The following LRRC4C variants were observed in gnomAD, a reference collection of about 807,000 sequenced individuals.
The protein encoded by LRRC4C is leucine rich repeat containing 4C.
In LRRC4C, 5 loss-of-function variants were observed where a neutral mutation model predicts 33.6. The observed-to-expected ratio is 0.15, with a 90% CI of 0.08 to 0.31. The LOEUF (loss-of-function observed/expected upper bound fraction) is 0.31, where lower values mean the gene tolerates loss of function less well. Ranked by LOEUF, LRRC4C falls within the 10% of genes least tolerant of loss-of-function variation. The pLI, the probability that LRRC4C is intolerant of heterozygous loss-of-function variation, is 1.00. For synonymous variants in LRRC4C, 329 were observed against 302.0 expected (o/e 1.09, Z -0.93); for missense variants, 560 against 796.7 (o/e 0.70, Z 3.58).
At chr11:40,439,726 A>G (rs1951306026) in intron 3 of LRRC4C, among the ~76,000 whole-genome samples, 1 of 152,210 alleles carries the variant, frequency 6.6e-6, no homozygotes, top group African/African-American at 2.4e-5. Context: ...TGCTGGGATT[A>G]CAGGCATGAG....
At chr11:41,231,592 C>A (rs550731568) in intron 1 of LRRC4C, among the ~76,000 whole-genome samples, 2 of 132,768 alleles carry the variant, frequency 1.5e-5, no homozygotes, top group South Asian at 4.7e-4. Flanking sequence ...CAGAGGGGAA[C>A]AATCACATGC....
chr11:40,339,879 T>A (rs1483587475), intron 3 of LRRC4C, among the ~76,000 whole-genome samples: 3 of 152,194 alleles, frequency 2.0e-5, no homozygotes, highest in Non-Finnish European at 4.4e-5. Flanking sequence ...AGGGCAATTA[T>A]AAAATTTAAA....
At chr11:40,753,931 T>C (rs1313358236) in intron 2 of LRRC4C, among the ~76,000 whole-genome samples, 1 of 151,954 alleles carries the variant, frequency 6.6e-6, no homozygotes, top group Non-Finnish European at 1.5e-5. Flanking sequence ...ATAAAAAATA[T>C]GTGTGTATAT....
chr11:41,183,675 A>G (rs1707523547), intron 1 of LRRC4C, among the ~76,000 whole-genome samples: 1 of 152,242 alleles, frequency 6.6e-6, no homozygotes, highest in East Asian at 1.9e-4. Context: ...CTGTCAGTGG[A>G]TCTACCATTC....
chr11:40,204,081 C>G (rs1055469475), intron 5 of LRRC4C, among the ~76,000 whole-genome samples: 1 of 152,052 alleles, frequency 6.6e-6, no homozygotes, highest in Non-Finnish European at 1.5e-5. Context: ...TACCACCATG[C>G]CTGGCTGATA....
chr11:41,045,796 G>A (rs1857738155), intron 1 of LRRC4C, among the ~76,000 whole-genome samples: 1 of 152,068 alleles, frequency 6.6e-6, no homozygotes, highest in Admixed American at 6.6e-5. Flanking sequence ...TGATAAGGGT[G>A]AGTCCAAAAG....
intron 2 of LRRC4C, among the ~76,000 whole-genome samples, chr11:40,855,436 A>T (rs1953733640): frequency 6.6e-6 from 1 of 152,148 alleles, no homozygotes; most frequent in South Asian, 2.1e-4. Context: ...CGCCATATTA[A>T]TCAACTCACC....
At chr11:41,101,525 G>C (rs908621194) in intron 1 of LRRC4C, among the ~76,000 whole-genome samples, 1 of 152,122 alleles carries the variant, frequency 6.6e-6, no homozygotes, top group Non-Finnish European at 1.5e-5. Flanking sequence ...GCAGAGAAAA[G>C]GGAATGCTTA....
intron 2 of LRRC4C, among the ~76,000 whole-genome samples, chr11:40,874,186 G>A (rs1954775846): frequency 6.6e-6 from 1 of 152,150 alleles, no homozygotes; most frequent in African/African-American, 2.4e-5. Context: ...TTTGTTTATT[G>A]CACTGGGGTT....
chr11:41,252,144 A>T (rs1369672294), intron 1 of LRRC4C, among the ~76,000 whole-genome samples: 1 of 152,228 alleles, frequency 6.6e-6, no homozygotes, highest in Non-Finnish European at 1.5e-5. Flanking sequence ...AATAAGGAAG[A>T]GGGATTGAAT....
chr11:40,788,097 C>T (rs991574263), intron 2 of LRRC4C, among the ~76,000 whole-genome samples: 6 of 152,170 alleles, frequency 3.9e-5, no homozygotes, highest in Non-Finnish European at 8.8e-5. Flanking sequence ...ACATAACATG[C>T]AGAAGTTCTC....
intron 1 of LRRC4C, among the ~76,000 whole-genome samples, chr11:41,421,595 C>T (rs1954875080): frequency 6.6e-6 from 1 of 151,966 alleles, no homozygotes; most frequent in Admixed American, 6.6e-5. Context: ...ATGTCTCTTG[C>T]TAAATGTCAA....
rs60671406 is a variant in LRRC4C, at chr11:41,316,262, C to CAAAAAAA, written c.-496+143162_-496+143168dup. Among the ~76,000 whole-genome samples, 302 of 77,898 alleles carry CAAAAAAA rather than the reference C, an allele frequency of 3.9e-3. 8 individuals carry two copies. Among genetic ancestry groups the CAAAAAAA allele is most frequent in the East Asian group, 0.011 (17 of 1,576 alleles). 51.1% of individuals were successfully genotyped at this position (77,898 alleles called of 152,430 possible). A position where few individuals can be genotyped will look rare whatever the true frequency, so the allele number is the denominator to read the frequency against. On this transcript the variant is annotated intron_variant, in intron 1 of 6. Transcript: ENST00000528697. ...GAAACCAGTAAAAATCTCTGGATGG[C>CAAAAAAA]AAAAAAAAAAAAAAAAACAAAAAAA...
chr11:40,415,311 C>A (rs942669444), intron 3 of LRRC4C, among the ~76,000 whole-genome samples: 3 of 152,168 alleles, frequency 2.0e-5, no homozygotes, highest in African/African-American at 7.2e-5. Context: ...GTTTAATGCT[C>A]TCTCATTGCT....
chr11:40,391,046 T>G (rs1181431670), intron 3 of LRRC4C, among the ~76,000 whole-genome samples: 2 of 151,988 alleles, frequency 1.3e-5, no homozygotes, highest in Non-Finnish European at 2.9e-5. Context: ...CACACCTGGC[T>G]TATATTTGTA....
intron 2 of LRRC4C, among the ~76,000 whole-genome samples, chr11:40,886,967 T>C (rs11036140): frequency 0.69 from 100,342 of 145,022 alleles, 37,347 homozygotes; most frequent in Non-Finnish European, 0.84. Flanking sequence ...TGTATATATA[T>C]ACATATATAT....
At chr11:40,354,693 T>A (rs543482843) in intron 3 of LRRC4C, among the ~76,000 whole-genome samples, 1 of 152,152 alleles carries the variant, frequency 6.6e-6, no homozygotes, top group African/African-American at 2.4e-5. Context: ...AATCAGCTTG[T>A]CATGAATGCT....
chr11:41,249,372 C>T (rs1263841698), intron 1 of LRRC4C, among the ~76,000 whole-genome samples: 1 of 152,172 alleles, frequency 6.6e-6, no homozygotes, highest in Non-Finnish European at 1.5e-5. Flanking sequence ...TTGCAAGAGA[C>T]TTCTAACCAT....
chr11:40,485,980 C>G (rs1480315677), intron 3 of LRRC4C, among the ~76,000 whole-genome samples: 1 of 151,752 alleles, frequency 6.6e-6, no homozygotes, highest in Non-Finnish European at 1.5e-5. Context: ...ACAACACACA[C>G]CGAGGCCTAT....
Sources: gnomAD v4.1 joint callset for allele counts (sites outside exome capture counted in the v4.1 genomes callset) on GRCh38, gnomAD v4.1.1 for gene constraint, MANE v1.5 for transcripts, NCBI Gene and HGNC (gene_info 2026-07-23, HGNC 2026-07-21) for gene names.